PUM3: variants seen among roughly 807,000 people sequenced by gnomAD.
The protein encoded by PUM3 is pumilio RNA binding family member 3.
PUM3 carries 91 observed loss-of-function variants against 84.0 expected under a neutral mutation model. That is an observed-to-expected ratio of 1.08 (90% CI 0.91 to 1.29). The LOEUF is 1.29. Among genes scored for constraint, PUM3 ranks in the 50% most tolerant of loss-of-function variants. PUM3 has a pLI of 0.00. For synonymous variants in PUM3, 321 were observed against 266.7 expected (o/e 1.20, Z -1.98); for missense variants, 1,067 against 767.5 (o/e 1.39, Z -4.61).
chr9:2,827,158 A>G lies in PUM3; in HGVS notation c.957-7T>C. On this transcript the variant is annotated splice_region_variant and splice_polypyrimidine_tract_variant and intron_variant, in intron 9 of 17. Transcript: ENST00000397885. ...GTGCTTAATCACAGCTTCCCTGAAAACAGAAAAAAAAAGCAAAAAGACACA... is the reference window on the plus strand; with the variant it reads ...GTGCTTAATCACAGCTTCCCTGAAAGCAGAAAAAAAAAGCAAAAAGACACA... 1 of 1,602,922 alleles carries G rather than the reference A, an allele frequency of 6.2e-7. No homozygotes were observed. The highest frequency in any genetic ancestry group is 8.5e-7 in the Non-Finnish European group (1 of 1,175,900).
rs148341733 is a variant in PUM3 at position 2,828,152 on chromosome 9, G to C, written c.956+523C>G. 4.3e-3 allele frequency among the ~76,000 whole-genome samples: 649 copies of C among 152,208 alleles called. 5 individuals carry two copies. The highest frequency in any genetic ancestry group is 0.014 in the African/African-American group (586 of 41,520). ...CCTCCTGGGCTCCAGTGAGCCTCCT[G>C]CCTCTCAGCCTCCCAAGTAGCCAAG... On this transcript the variant is annotated intron_variant, in intron 9 of 17. Transcript: ENST00000397885.
At chr9:2,838,759 T>C (rs1442087511) in intron 1 of PUM3, among the ~76,000 whole-genome samples, 1 of 152,180 alleles carries the variant, frequency 6.6e-6, no homozygotes, top group East Asian at 1.9e-4. Context: ...TGGCCAGTGT[T>C]TGATATCTCT....
intron 5 of PUM3, among the ~76,000 whole-genome samples, chr9:2,832,641 G>A (rs1398642736): frequency 3.3e-5 from 5 of 152,140 alleles, no homozygotes; most frequent in Non-Finnish European, 5.9e-5. Flanking sequence ...ATAAATTGTC[G>A]GAGCTGAGGG....
At position 2,824,723 on chromosome 9, in the gene PUM3, C is replaced by A; in HGVS notation, c.1128G>T (p.Thr376=). 1 of 1,542,398 alleles carries A rather than the reference C, an allele frequency of 6.5e-7. No homozygotes were observed. The highest frequency in any genetic ancestry group is 1.2e-5 in the South Asian group (1 of 82,728). The change falls in exon 11 of 18, where the codon ACG becomes ACT. Residue 376 remains threonine, a synonymous_variant. Transcript: ENST00000397885. ...CAAGTGCTGTCACACTTACCTTGGG[C>A]GTGCCATGCCACAGGCAGTGCATGG... ...RVAMHCLWHG[T]PKDRKVIVKT...
Position 2,837,553 on chromosome 9 carries a change from G to T in PUM3, c.83-152C>A, listed in dbSNP as rs1423681353. 4 of 575,866 alleles carry T rather than the reference G, an allele frequency of 6.9e-6. No homozygotes were observed. In the East Asian group the frequency reaches 8.9e-5, roughly 13 times the overall value. The allele number at this position is 575,866 out of a possible 1,614,324, so 35.7% of individuals were successfully genotyped here. On this transcript the variant is annotated intron_variant, in intron 2 of 17. Coordinates refer to ENST00000397885, the MANE Select transcript of PUM3 (RefSeq NM_014878.5). ...ACATATAGCCTTTTGAGTAGAACTG[G>T]ATTTAAACAATCAAAACAAAAATAA...
intron 16 of PUM3, among the ~76,000 whole-genome samples, chr9:2,809,383 C>T (rs1034888038): frequency 1.3e-5 from 2 of 152,192 alleles, no homozygotes; most frequent in African/African-American, 4.8e-5. Flanking sequence ...CTCAACTATA[C>T]ATCAACTTTT....
At position 2,804,442 on chromosome 9, in the gene PUM3, C is replaced by G. The variant is rs1457754138; in HGVS notation, c.1836G>C (p.Leu612=). 6.2e-7 allele frequency: 1 copy of G among 1,613,634 alleles called. No individual in the cohort carries two copies. The highest frequency in any genetic ancestry group is 8.5e-7 in the Non-Finnish European group (1 of 1,179,882). The change falls in exon 18 of 18, where the codon CTG becomes CTC. Residue 612 remains leucine, a synonymous_variant. Coordinates refer to ENST00000397885, the MANE Select transcript of PUM3 (RefSeq NM_014878.5). Reference sequence around the variant, plus strand: ...CAGCTTTGACTTTGTTTGCAACTTCCAGGTCACAACTCTGGAGGAGGCTGA... The same window carrying G: ...CAGCTTTGACTTTGTTTGCAACTTCGAGGTCACAACTCTGGAGGAGGCTGA... The part of the protein sequence containing the change: ...ILSSLLQSCD[L]EVANKVKAAL...
chr9:2,836,676 G>C (rs773960314), intron 3 of PUM3, among the ~76,000 whole-genome samples: 1 of 152,072 alleles, frequency 6.6e-6, no homozygotes, highest in Non-Finnish European at 1.5e-5. Context: ...GTGAAGGCAG[G>C]GTCTCTATGT....
At position 2,837,206 on chromosome 9, in the gene PUM3, T is replaced by G; in HGVS notation, c.278A>C (p.Lys93Thr). 1.9e-6 allele frequency: 3 copies of G among 1,614,102 alleles called. No individual in the cohort carries two copies. The change falls in exon 3 of 18, where the codon AAA becomes ACA. Residue 93 changes from lysine (K) to threonine (T), a missense_variant. Physicochemically the swap from Lys to Thr is moderately conservative, Grantham distance 78. Coordinates refer to ENST00000397885, the MANE Select transcript of PUM3 (RefSeq NM_014878.5). Reference sequence around the variant, plus strand: ...ATCGCTTCTACCATCTGGCTGGAATTTTCTCTTCTTGTTGAATTTATTTGC... The same window carrying G: ...ATCGCTTCTACCATCTGGCTGGAATGTTCTCTTCTTGTTGAATTTATTTGC... ...QPANKFNKKR[K>T]FQPDGRSDES...
At chr9:2,836,287 G>T (rs964664590) in intron 3 of PUM3, among the ~76,000 whole-genome samples, 1 of 152,188 alleles carries the variant, frequency 6.6e-6, no homozygotes, top group African/African-American at 2.4e-5. Context: ...GCAGTGTTAA[G>T]ACACGCTGTG....
At chr9:2,806,644 G>A (rs898202220) in intron 17 of PUM3, among the ~76,000 whole-genome samples, 5 of 152,110 alleles carry the variant, frequency 3.3e-5, no homozygotes, top group Admixed American at 6.5e-5. Context: ...GTTTTCATCT[G>A]CACAGAGAAT....
rs1247482331 is a variant in PUM3, at chr9:2,837,247, C to G, written c.237G>C (p.Lys79Asn). Residue 79 changes from lysine to asparagine, a missense_variant, in exon 3 of 18, where the codon AAG (lysine) becomes AAC (asparagine). Lys to Asn is a moderately conservative substitution (Grantham distance 94). Transcript: ENST00000397885. ...ATTTATTTGCCGGCTGGAATTTGTT[C>G]TTTGGTGATTTGTCCCCTTGCTGCT... ...KNKQQGDKSP[K>N]NKFQPANKFN... The G allele has an allele frequency of 6.2e-7, 1 of 1,614,042 alleles. No homozygotes were observed. Among genetic ancestry groups the G allele is most frequent in the Admixed American group, 1.7e-5 (1 of 60,018 alleles).
intron 16 of PUM3, among the ~76,000 whole-genome samples, chr9:2,808,614 A>T (rs1009309607): frequency 6.6e-6 from 1 of 152,228 alleles, no homozygotes; most frequent in African/African-American, 2.4e-5. Flanking sequence ...TATATAATTC[A>T]TTCAAAGATA....
At chr9:2,833,296 C>T (rs760618937) in intron 5 of PUM3, 61 bp downstream of exon 5, 5 of 840,688 alleles carry the variant, frequency 5.9e-6, no homozygotes, top group Non-Finnish European at 9.7e-6. Context: ...TGGTCAGCTA[C>T]TCCTGAGAGT....
intron 12 of PUM3, 100 bp from the exon 13 acceptor site, chr9:2,820,198 G>A (rs1178261198): frequency 5.6e-5 from 18 of 321,500 alleles, no homozygotes; most frequent in Admixed American, 3.8e-4. Flanking sequence ...GCGAGACTCC[G>A]CTCAAAAAAA....
At chr9:2,843,285 G>C (rs1017972519) in intron 1 of PUM3, among the ~76,000 whole-genome samples, 1 of 151,986 alleles carries the variant, frequency 6.6e-6, no homozygotes, top group African/African-American at 2.4e-5. Flanking sequence ...CAGGAACTTA[G>C]CCCATTATCG....
rs371185811 is a variant in PUM3 at position 2,804,412 on chromosome 9, C to T, written c.1866G>A (p.Leu622=). ...TTTCCAATGTAGGAATCAAGCTTTTCAGTGCAGCTTTGACTTTGTTTGCAA... is the reference window on the plus strand; with the variant it reads ...TTTCCAATGTAGGAATCAAGCTTTTTAGTGCAGCTTTGACTTTGTTTGCAA... The part of the protein sequence containing the change: ...LEVANKVKAA[L]KSLIPTLEKT... Residue 622 remains leucine (L), a synonymous_variant, in exon 18 of 18, where the codon CTG becomes CTA. Transcript: ENST00000397885. The T allele has an allele frequency of 2.5e-6, 4 of 1,613,978 alleles. No individual in the cohort carries two copies. Among genetic ancestry groups the T allele is most frequent in the Non-Finnish European group, 2.5e-6 (3 of 1,179,958 alleles).
At chr9:2,821,005 A>G (rs1383865650) in intron 12 of PUM3, among the ~76,000 whole-genome samples, 2 of 152,210 alleles carry the variant, frequency 1.3e-5, no homozygotes, top group East Asian at 3.8e-4. Flanking sequence ...ATAATAGCCC[A>G]CAATCATTCA....
Position 2,830,813 on chromosome 9 carries a change from T to C in PUM3, c.677+149A>G, listed in dbSNP as rs76884699. 6.1e-3 allele frequency: 3,458 copies of C among 562,884 alleles called. 102 individuals are homozygous for C. The African/African-American group carries it at 0.061, about 10-fold the overall frequency. The allele number at this position is 562,884 out of a possible 1,614,324, so 34.9% of individuals were successfully genotyped here. A position where few individuals can be genotyped will look rare whatever the true frequency, so the allele number is the denominator to read the frequency against. On this transcript the variant is annotated intron_variant, in intron 7 of 17. Transcript: ENST00000397885. ...ATTTCGATAATTGTATTTAAGATGA[T>C]ACTCTCTAAAAACAACACAAGCATC... is the stretch of plus-strand genomic sequence containing the variant.
Sources: allele counts gnomAD v4.1 joint callset (sites outside exome capture counted in the v4.1 genomes callset), GRCh38; gene constraint gnomAD v4.1.1; transcripts MANE v1.5; gene names NCBI Gene and HGNC (gene_info 2026-07-23, HGNC 2026-07-21).